Variants in SYT7 observed in about 807,000 individuals in gnomAD.
The protein encoded by SYT7 is synaptotagmin 7.
Under a neutral mutation model 75.1 loss-of-function variants are expected in SYT7, and 29 were observed. The observed-to-expected ratio is 0.39, with a 90% CI of 0.29 to 0.53. SYT7 has a LOEUF of 0.53. Among genes scored for constraint, SYT7 ranks in the 20% least tolerant of loss-of-function variants. SYT7 has a pLI of 0.77. For synonymous variants in SYT7, 376 were observed against 401.7 expected, an observed-to-expected ratio of 0.94 and a Z score of 0.76; for missense variants, 693 against 953.2, an observed-to-expected ratio of 0.73 and a Z score of 3.59.
intron 1 of SYT7, among the ~76,000 whole-genome samples, chr11:61,573,073 G>T (rs527300933): frequency 9.0e-5 from 12 of 133,886 alleles, no homozygotes; most frequent in East Asian, 1.9e-4. Flanking sequence ...GGCATGGAGA[G>T]GGGGGGTGGC....
chr11:61,533,551 C>A, intron 7 of SYT7: 1 of 985,424 alleles, frequency 1.0e-6, no homozygotes, highest in South Asian at 4.7e-5. Context: ...TGCCTCTCCG[C>A]GTCATTACCC....
Position 61,531,007 on chromosome 11 carries a change from C to CA in SYT7, c.1200+1981dup, listed in dbSNP as rs2135133542. 3.0e-6 allele frequency: 3 copies of CA among 985,460 alleles called. No individual in the cohort carries two copies. The East Asian group carries it at 3.4e-4, about 112-fold the overall frequency. The allele number at this position is 985,460 out of a possible 1,614,324, so 61.0% of individuals were successfully genotyped here. A position where few individuals can be genotyped will look rare whatever the true frequency, so the allele number is the denominator to read the frequency against. On this transcript the variant is annotated intron_variant, in intron 8 of 12. Coordinates refer to ENST00000539008, the MANE Select transcript of SYT7 (RefSeq NM_001365809.2). ...AAGCAGGTGTGGCCTCGCCTCTTCT[C>CA]AGACACCTCTGCCCCTCAGCTCCTT...
Position 61,538,388 on chromosome 11 carries a change from A to AGAGG in SYT7, c.942-123_942-122insCCTC, listed in dbSNP as rs10687819. On this transcript the variant is annotated intron_variant, in intron 6 of 12. Coordinates refer to ENST00000539008, the MANE Select transcript of SYT7 (RefSeq NM_001365809.2). ...GAGAGAGAGAGAGAGAGAGAGAGAG[A>AGAGG]AAGAGAGAGAGAGAGACAGAGACAA... is the stretch of plus-strand genomic sequence containing the variant. 3.6e-6 allele frequency: 3 copies of AGAGG among 827,520 alleles called. No homozygotes were observed. The Admixed American group carries it at 9.6e-5, about 27-fold the overall frequency. The allele number at this position is 827,520 out of a possible 1,614,324, so 51.3% of individuals were successfully genotyped here.
intron 1 of SYT7, among the ~76,000 whole-genome samples, chr11:61,569,633 G>T (rs1048719871): frequency 5.3e-5 from 8 of 152,170 alleles, no homozygotes; most frequent in African/African-American, 1.9e-4. Flanking sequence ...GAAGTGAGAA[G>T]GTGCCCCAGA....
Position 61,517,090 on chromosome 11 carries a change from T to TG in SYT7, c.*1536dup, listed in dbSNP as rs1296288387. Reference sequence around the variant, plus strand: ...GGGCTAAGACCACGGCCACAGACTGTGGGGGCCTGGCGCCACCTGGCGGTA... The same window carrying TG: ...GGGCTAAGACCACGGCCACAGACTGTGGGGGGCCTGGCGCCACCTGGCGGTA... On this transcript the variant is annotated 3_prime_UTR_variant, in exon 13 of 13. Transcript: ENST00000539008. 3.0e-5 allele frequency: 12 copies of TG among 394,870 alleles called. No individual in the cohort carries two copies. Among genetic ancestry groups the TG allele is most frequent in the Middle Eastern group, 6.3e-4 (1 of 1,600 alleles). The allele number at this position is 394,870 out of a possible 1,614,324, so 24.5% of individuals were successfully genotyped here. A position where few individuals can be genotyped will look rare whatever the true frequency, so the allele number is the denominator to read the frequency against.
intron 7 of SYT7, among the ~76,000 whole-genome samples, chr11:61,537,343 C>G (rs969649297): frequency 6.6e-6 from 1 of 152,146 alleles, no homozygotes; most frequent in African/African-American, 2.4e-5. Flanking sequence ...CGCCCCACCC[C>G]CTCCCTGAGA....
At chr11:61,527,032 A>T (rs2135095638) in intron 9 of SYT7, among the ~76,000 whole-genome samples, 1 of 152,236 alleles carries the variant, frequency 6.6e-6, no homozygotes, top group Non-Finnish European at 1.5e-5. Flanking sequence ...GGGTCCTGGC[A>T]CCCAAAGGCC....
At chr11:61,552,843 G>A (rs925309366) in intron 2 of SYT7, among the ~76,000 whole-genome samples, 27 of 152,148 alleles carry the variant, frequency 1.8e-4, no homozygotes, top group African/African-American at 6.0e-4. Flanking sequence ...AAATGGTGTC[G>A]CCATATGAAC....
Position 61,580,781 on chromosome 11 carries a change from C to A in SYT7, c.31+9G>T. 7.9e-7 allele frequency: 1 copy of A among 1,273,222 alleles called. No homozygotes were observed. The highest frequency in any genetic ancestry group is 9.9e-7 in the Non-Finnish European group (1 of 1,009,334). The allele number at this position is 1,273,222 out of a possible 1,614,324, so 78.9% of individuals were successfully genotyped here. On this transcript the variant is annotated intron_variant, in intron 1 of 12. Coordinates refer to ENST00000539008, the MANE Select transcript of SYT7 (RefSeq NM_001365809.2). This position sits in a 1 kb window ranked among gnomAD's most constrained non-coding sequence, Gnocchi z 6.1. Reference sequence around the variant, plus strand: ...GCGGGGCGCCCCAGCCCGCCGGGGCCGCGCTTACCTGGGCTGGCCGCCTCC... The same window carrying A: ...GCGGGGCGCCCCAGCCCGCCGGGGCAGCGCTTACCTGGGCTGGCCGCCTCC...
Position 61,580,983 on chromosome 11 carries a change from C to T in SYT7, c.-163G>A. ...AGCCGCGGAGCCGGGGAGCGGGGGC[C>T]GCCCGCCAGCCCTCCCGCCCGCCCG... On this transcript the variant is annotated 5_prime_UTR_variant, in exon 1 of 13. Coordinates refer to ENST00000539008, the MANE Select transcript of SYT7 (RefSeq NM_001365809.2). The surrounding 1 kb of genome is among the most constrained non-coding windows in gnomAD (Gnocchi z 6.1). 6 of 976,020 alleles carry T rather than the reference C, an allele frequency of 6.1e-6. No individual in the cohort carries two copies. Among genetic ancestry groups the T allele is most frequent in the Non-Finnish European group, 7.3e-6 (6 of 823,382 alleles). The allele number at this position is 976,020 out of a possible 1,614,324, so 60.5% of individuals were successfully genotyped here.
chr11:61,520,137 G>A (rs954666684), intron 12 of SYT7, among the ~76,000 whole-genome samples: 1 of 135,970 alleles, frequency 7.4e-6, no homozygotes. Context: ...TGATCTGCCC[G>A]CCTTGGCCTC....
At chr11:61,566,123 T>C (rs1419864338) in intron 1 of SYT7, among the ~76,000 whole-genome samples, 2 of 152,390 alleles carry the variant, frequency 1.3e-5, no homozygotes, top group East Asian at 3.9e-4. Context: ...CTACCTCTGC[T>C]GTCTCTTCCA....
chr11:61,557,797 C>A (rs972111815), intron 1 of SYT7, among the ~76,000 whole-genome samples: 1 of 152,232 alleles, frequency 6.6e-6, no homozygotes, highest in South Asian at 2.1e-4. Context: ...TCCTGCCCCT[C>A]CCTCTCCTGG....
At chr11:61,532,902 TA>T in intron 8 of SYT7, 86 bp downstream of exon 8, 1 of 1,557,030 alleles carries the variant, frequency 6.4e-7, no homozygotes, top group Non-Finnish European at 8.7e-7. Context: ...CCCATGCTGT[TA>T]ATCATTCCCA....
Position 61,528,189 on chromosome 11 carries a change from G to A in SYT7, c.1201-4C>T. 6.2e-7 allele frequency: 1 copy of A among 1,610,124 alleles called. No individual in the cohort carries two copies. Among genetic ancestry groups the A allele is most frequent in the East Asian group, 2.2e-5 (1 of 44,872 alleles). On this transcript the variant is annotated splice_polypyrimidine_tract_variant and splice_region_variant and intron_variant, in intron 8 of 12. Transcript: ENST00000539008. ...CCTCCTCGGAGCCTGGGGAGAGCTG[G>A]GGGTGGGGGAGAGGCCGGCAGGGTT...
chr11:61,565,120 C>G (rs1402263664), intron 1 of SYT7, among the ~76,000 whole-genome samples: 6 of 152,194 alleles, frequency 3.9e-5, no homozygotes, highest in Non-Finnish European at 8.8e-5. Flanking sequence ...TTCTGCAATA[C>G]ACGTCAAGCC....
intron 9 of SYT7, chr11:61,526,612 A>G (rs939424980): frequency 6.6e-6 from 1 of 152,270 alleles, no homozygotes; most frequent in Non-Finnish European, 1.5e-5. Context: ...AGTACGTAGA[A>G]GAGTGCCCAG....
rs755698794 is a variant in SYT7 at position 61,566,011 on chromosome 11, C to T, written c.32-9804G>A. 4.6e-5 allele frequency among the ~76,000 whole-genome samples: 7 copies of T among 152,228 alleles called. 1 individual carries two copies. Among genetic ancestry groups the T allele is most frequent in the Admixed American group, 2.0e-4 (3 of 15,284 alleles). On this transcript the variant is annotated intron_variant, in intron 1 of 12. Transcript: ENST00000539008. ...TATCTGGATGGGCCAGCAGCCGTTCCGGCAAGAAATTGGACAGGGACATGT... is the reference window on the plus strand; with the variant it reads ...TATCTGGATGGGCCAGCAGCCGTTCTGGCAAGAAATTGGACAGGGACATGT...
chr11:61,521,212 C>T (rs552098568), intron 12 of SYT7, among the ~76,000 whole-genome samples: 63 of 152,306 alleles, frequency 4.1e-4, no homozygotes, highest in African/African-American at 1.5e-3. Context: ...TGAGCAGGAG[C>T]TGGGAGTCAG....
Sources: allele counts gnomAD v4.1 joint callset (sites outside exome capture counted in the v4.1 genomes callset), GRCh38; gene constraint gnomAD v4.1.1; non-coding constraint Gnocchi (gnomAD v3.1); transcripts MANE v1.5; gene names NCBI Gene and HGNC (gene_info 2026-07-23, HGNC 2026-07-21).